Variants in TRPM3 observed in about 807,000 individuals in gnomAD.
The protein encoded by TRPM3 is long transient receptor potential channel 3.
TRPM3 carries 77 observed loss-of-function variants against 181.2 expected under a neutral mutation model. The ratio of observed to expected loss-of-function variants is 0.42; its 90% confidence interval spans 0.35 to 0.51. The LOEUF (loss-of-function observed/expected upper bound fraction) is 0.51, where lower values mean the gene tolerates loss of function less well. Among genes scored for constraint, TRPM3 ranks in the 20% least tolerant of loss-of-function variants. TRPM3 has a pLI of 0.01. For missense variants in TRPM3, 1,759 were observed against 2,196.7 expected (o/e 0.80, Z 3.98); for synonymous variants, 745 against 796.4 (o/e 0.94, Z 1.09).
At chr9:70,857,669 T>C (rs1285139056) in intron 3 of TRPM3, among the ~76,000 whole-genome samples, 1 of 152,126 alleles carries the variant, frequency 6.6e-6, no homozygotes, top group East Asian at 1.9e-4. Flanking sequence ...GGAGGCTGGG[T>C]TCAAGAACTA....
chr9:71,150,413 T>G (rs188961585), intron 1 of TRPM3, among the ~76,000 whole-genome samples: 1 of 152,214 alleles, frequency 6.6e-6, no homozygotes, highest in East Asian at 1.9e-4. Context: ...AAAATTAAAT[T>G]AAGTGATTCC....
intron 1 of TRPM3, among the ~76,000 whole-genome samples, chr9:71,210,086 C>G (rs892194875): frequency 6.6e-6 from 1 of 152,180 alleles, no homozygotes; most frequent in Admixed American, 6.5e-5. Context: ...GAGCTTCACC[C>G]GTATTTACAG....
Position 70,969,756 on chromosome 9 carries a change from T to TTATATATATATA in TRPM3, c.178-105257_178-105246dup, listed in dbSNP as rs78938143. Among the ~76,000 whole-genome samples the TTATATATATATA allele has an allele frequency of 8.9e-3, 1,130 of 126,378 alleles. 7 individuals are homozygous for TTATATATATATA. Among genetic ancestry groups the TTATATATATATA allele is most frequent in the Non-Finnish European group, 0.014 (787 of 58,012 alleles). The allele number at this position is 126,378 out of a possible 152,430, so 82.9% of individuals were successfully genotyped here. On this transcript the variant is annotated intron_variant, in intron 1 of 25. Transcript: ENST00000677713. ...GGATTGTTGTGAAGACTGAATGATT[T>TTATATATATATA]TATATATATATATATATATATATAC...
At chr9:71,197,791 G>A (rs1587901393) in intron 1 of TRPM3, among the ~76,000 whole-genome samples, 1 of 133,700 alleles carries the variant, frequency 7.5e-6, no homozygotes, top group South Asian at 2.7e-4. Context: ...AGATGAGTAG[G>A]TTGCAAAAAT....
chr9:70,843,693 T>C (rs2094819315), intron 4 of TRPM3, among the ~76,000 whole-genome samples: 2 of 152,230 alleles, frequency 1.3e-5, no homozygotes. Context: ...TTCATCATTC[T>C]AATTATTTTC....
intron 22 of TRPM3, among the ~76,000 whole-genome samples, chr9:70,558,887 C>T (rs1454089674): frequency 1.3e-5 from 2 of 152,132 alleles, no homozygotes; most frequent in Non-Finnish European, 2.9e-5. Flanking sequence ...CATCACATGG[C>T]AGAAGCCTGG....
intron 1 of TRPM3, among the ~76,000 whole-genome samples, chr9:71,368,729 T>C (rs2132780075): frequency 6.6e-6 from 1 of 152,330 alleles, no homozygotes; most frequent in Non-Finnish European, 1.5e-5. Flanking sequence ...TTGGCTTTGG[T>C]TCGTTTAAAA....
intron 25 of TRPM3, among the ~76,000 whole-genome samples, chr9:70,541,869 T>G (rs1223161638): frequency 6.6e-6 from 1 of 152,026 alleles, no homozygotes; most frequent in Non-Finnish European, 1.5e-5. Context: ...ACACCTGTAA[T>G]CCCAGGACTT....
At chr9:71,134,092 C>A (rs1222639870) in intron 1 of TRPM3, among the ~76,000 whole-genome samples, 1 of 151,644 alleles carries the variant, frequency 6.6e-6, no homozygotes, top group Non-Finnish European at 1.5e-5. Context: ...AATAAAATTT[C>A]CTTGCTGATA....
chr9:70,612,601 C>T (rs963809216), intron 18 of TRPM3, among the ~76,000 whole-genome samples: 3 of 152,190 alleles, frequency 2.0e-5, no homozygotes, highest in Non-Finnish European at 4.4e-5. Flanking sequence ...ACTTCCATTC[C>T]TTTGTGGACT....
intron 1 of TRPM3, among the ~76,000 whole-genome samples, chr9:70,892,209 T>A (rs922109030): frequency 1.3e-5 from 2 of 152,148 alleles, no homozygotes; most frequent in Admixed American, 6.5e-5. Context: ...ATTCATGGAG[T>A]AAGATAATTT....
chr9:70,771,762 G>A (rs1251577471), intron 7 of TRPM3, among the ~76,000 whole-genome samples: 1 of 152,138 alleles, frequency 6.6e-6, no homozygotes, highest in African/African-American at 2.4e-5. Flanking sequence ...TGCTAATCAA[G>A]GTGCAGAAGA....
At chr9:70,612,347 G>C (rs2062118441) in intron 18 of TRPM3, among the ~76,000 whole-genome samples, 1 of 152,188 alleles carries the variant, frequency 6.6e-6, no homozygotes, top group Non-Finnish European at 1.5e-5. Context: ...ACAAGGATTT[G>C]GGGCAAGACA....
intron 1 of TRPM3, among the ~76,000 whole-genome samples, chr9:71,222,313 C>T (rs750875407): frequency 6.6e-5 from 10 of 152,318 alleles, no homozygotes; most frequent in East Asian, 1.9e-4. Flanking sequence ...AAACACCAAA[C>T]GTTCTTGTCA....
chr9:70,564,385 C>G (rs2049985457), intron 22 of TRPM3, among the ~76,000 whole-genome samples: 2 of 152,164 alleles, frequency 1.3e-5, no homozygotes, highest in South Asian at 4.1e-4. Context: ...GGAGGCACCC[C>G]TTCCCCTGTA....
chr9:71,284,779 A>G (rs1271818768), intron 1 of TRPM3, among the ~76,000 whole-genome samples: 2 of 152,226 alleles, frequency 1.3e-5, no homozygotes, highest in African/African-American at 4.8e-5. Context: ...TGTATTCTAC[A>G]TTACTTAGTC....
At chr9:70,875,660 C>T (rs552817781) in intron 1 of TRPM3, among the ~76,000 whole-genome samples, 2 of 152,016 alleles carry the variant, frequency 1.3e-5, no homozygotes, top group East Asian at 3.9e-4. Context: ...ATTCTTTTGC[C>T]TCATCCCCTA....
chr9:70,771,150 G>T (rs2080176333), intron 7 of TRPM3, among the ~76,000 whole-genome samples: 1 of 152,192 alleles, frequency 6.6e-6, no homozygotes, highest in Non-Finnish European at 1.5e-5. Flanking sequence ...GTTAGGATAA[G>T]AATTCATACT....
chr9:70,620,526 A>G (rs2063467693), intron 15 of TRPM3, among the ~76,000 whole-genome samples, 161 bp from the exon 16 acceptor site: 1 of 152,180 alleles, frequency 6.6e-6, no homozygotes, highest in Non-Finnish European at 1.5e-5. Flanking sequence ...TCCATGCCCA[A>G]CTTTAAAACA....
Sources: gnomAD v4.1 joint callset for allele counts (sites outside exome capture counted in the v4.1 genomes callset) on GRCh38, gnomAD v4.1.1 for gene constraint, MANE v1.5 for transcripts, NCBI Gene and HGNC (gene_info 2026-07-23, HGNC 2026-07-21) for gene names.